NHSL1: variants seen among roughly 807,000 people sequenced by gnomAD.
NHSL1 encodes NHS-like protein 1.
A neutral mutation model predicts 95.0 loss-of-function variants in NHSL1; 48 were observed. That is an observed-to-expected ratio of 0.51 (90% CI 0.40 to 0.64). NHSL1 has a LOEUF of 0.64. Among genes scored for constraint, NHSL1 ranks in the 30% least tolerant of loss-of-function variants. The pLI is 0.00. For missense variants in NHSL1, 1,971 were observed against 2,077.7 expected, an observed-to-expected ratio of 0.95 and a Z score of 1.00; for synonymous variants, 783 against 833.9, an observed-to-expected ratio of 0.94 and a Z score of 1.05.
rs1775842570 is a variant in NHSL1 at position 138,433,321 on chromosome 6, C to T, written c.1024G>A (p.Gly342Ser). 1 of 1,551,582 alleles carries T rather than the reference C, an allele frequency of 6.4e-7. No individual in the cohort carries two copies. The highest frequency in any genetic ancestry group is 2.0e-5 in the Admixed American group (1 of 51,002). ...ATGTCTCCTGCAGGGCCGAGGGCACCCAGCCTCGGCTCAAGGGACTGAATG... is the reference window on the plus strand; with the variant it reads ...ATGTCTCCTGCAGGGCCGAGGGCACTCAGCCTCGGCTCAAGGGACTGAATG... Reference protein sequence around the residue: ...ANIQSLEPRLGALGPAGDMNG... With the variant: ...ANIQSLEPRLSALGPAGDMNG... The change falls in exon 6 of 8, where the codon GGT (glycine) becomes AGT (serine). Residue 342 changes from glycine to serine, a missense_variant. Physicochemically the swap from Gly to Ser is moderately conservative, Grantham distance 56. Around this residue, in one of 3 missense-constraint regions of NHSL1, gnomAD observed 1,602 missense variants for 1,654.5 expected, o/e 0.97. Transcript: ENST00000343505.
chr6:138,491,770 A>G (rs1780091423), intron 2 of NHSL1, among the ~76,000 whole-genome samples: 1 of 152,208 alleles, frequency 6.6e-6, no homozygotes. Flanking sequence ...AATGCTTGAG[A>G]CCAGAAATGT....
chr6:138,515,384 A>C (rs1781416516), intron 1 of NHSL1, among the ~76,000 whole-genome samples: 1 of 152,156 alleles, frequency 6.6e-6, no homozygotes, highest in Non-Finnish European at 1.5e-5. Context: ...AACACACCAA[A>C]CAATACTCTA....
At chr6:138,500,652 A>G (rs74453404), upstream of NHSL1, among the ~76,000 whole-genome samples, 3,300 of 152,330 alleles carry the variant, frequency 0.022, 127 homozygotes, top group African/African-American at 0.076. Flanking sequence ...AATTTATATA[A>G]GGGGCTCTGT....
At chr6:138,671,971 G>A (rs1305842752) in intron 1 of NHSL1, among the ~76,000 whole-genome samples, 1 of 151,898 alleles carries the variant, frequency 6.6e-6, no homozygotes, top group Non-Finnish European at 1.5e-5. Context: ...AAGGAAAAAA[G>A]GGCTAAATCC....
chr6:138,465,813 T>A (rs1357643401), intron 3 of NHSL1, among the ~76,000 whole-genome samples: 1 of 149,974 alleles, frequency 6.7e-6, no homozygotes, highest in Non-Finnish European at 1.5e-5. Context: ...AACCTCTGCC[T>A]CCTGGGTTCA....
chr6:138,519,278 CA>C (rs1277371967), intron 1 of NHSL1, among the ~76,000 whole-genome samples: 5 of 149,812 alleles, frequency 3.3e-5, no homozygotes, highest in South Asian at 4.2e-4. Context: ...AGTGAATCTT[CA>C]AAAAAAAATC....
chr6:138,685,152 T>C (rs1785569502), intron 1 of NHSL1, among the ~76,000 whole-genome samples: 1 of 152,192 alleles, frequency 6.6e-6, no homozygotes, highest in Non-Finnish European at 1.5e-5. Context: ...TTAAAATATA[T>C]ACAGCTAAAA....
intron 1 of NHSL1, among the ~76,000 whole-genome samples, chr6:138,507,889 G>A (rs1781038674): frequency 1.3e-5 from 2 of 152,044 alleles, no homozygotes; most frequent in Admixed American, 6.6e-5. Flanking sequence ...ACAGAAAGGG[G>A]AACCTTAGGA....
chr6:138,483,792 G>A (rs968635360), intron 2 of NHSL1, among the ~76,000 whole-genome samples: 17 of 152,138 alleles, frequency 1.1e-4, no homozygotes, highest in African/African-American at 3.6e-4. Context: ...TACATGATAT[G>A]GCTCAATGTG....
chr6:138,690,868 A>C (rs1785657109), intron 1 of NHSL1, among the ~76,000 whole-genome samples: 1 of 152,230 alleles, frequency 6.6e-6, no homozygotes, highest in South Asian at 2.1e-4. Context: ...CTATTGGGGC[A>C]TATGTACTAA....
In NHSL1 at chr6:138,613,380, A is replaced by G. The variant is rs183956594; in HGVS notation, c.96+79096T>C. Among the ~76,000 whole-genome samples, 17 of 152,266 alleles carry G rather than the reference A, an allele frequency of 1.1e-4. No homozygotes were observed. The South Asian group carries it at 2.1e-3, about 19-fold the overall frequency. ...ACTGCTCCAGTCAGTGATGGCCACC[A>G]CAGATGGGAAACACCATGCCTGGGT... On this transcript the variant is annotated intron_variant, in intron 1 of 3. Transcript: ENST00000491526.
chr6:138,513,430 G>A (rs1200358592), intron 1 of NHSL1, among the ~76,000 whole-genome samples: 2 of 152,008 alleles, frequency 1.3e-5, no homozygotes, highest in Non-Finnish European at 2.9e-5. Flanking sequence ...AGGCTAGAGT[G>A]CAGATCCCAG....
At chr6:138,598,985 C>G (rs576175989) in intron 1 of NHSL1, among the ~76,000 whole-genome samples, 1 of 152,154 alleles carries the variant, frequency 6.6e-6, no homozygotes, top group Non-Finnish European at 1.5e-5. Context: ...GAGCTTAGGG[C>G]CTGGAGATCC....
intron 3 of NHSL1, among the ~76,000 whole-genome samples, chr6:138,466,806 C>T (rs1407401565): frequency 3.9e-5 from 6 of 151,942 alleles, no homozygotes; most frequent in African/African-American, 7.3e-5. Context: ...ATATGAGGCC[C>T]GGCTCAGTGG....
intron 1 of NHSL1, among the ~76,000 whole-genome samples, chr6:138,529,822 A>G (rs1782061682): frequency 6.6e-6 from 1 of 152,234 alleles, no homozygotes; most frequent in Non-Finnish European, 1.5e-5. Flanking sequence ...TGGATAATCC[A>G]GGCTAATCTC....
chr6:138,499,196 C>A (rs1014064484), intron 1 of NHSL1, 37 bp downstream of exon 1: 1 of 1,320,892 alleles, frequency 7.6e-7, no homozygotes, highest in African/African-American at 1.5e-5. Context: ...GAAACATATG[C>A]ACACAATAGG....
At chr6:138,574,472 CCAAA>C (rs1050520940), upstream of NHSL1, among the ~76,000 whole-genome samples, 2 of 152,034 alleles carry the variant, frequency 1.3e-5, no homozygotes, top group African/African-American at 4.8e-5. Flanking sequence ...GCCATGGAAC[CCAAA>C]CAATGAACAC....
rs1160029550 is a variant in NHSL1, at chr6:138,516,312, C to T, written c.17-19941G>A. On this transcript the variant is annotated intron_variant, in intron 1 of 4. Coordinates refer to the NHSL1 transcript ENST00000342260. ...CAGAGATAACAGCTCCTTTGGCCAG[C>T]TGAGAGAGCTATGCCTGGGTGTTCA... 3.3e-5 allele frequency among the ~76,000 whole-genome samples: 5 copies of T among 152,168 alleles called. No homozygotes were observed. The East Asian group carries it at 9.6e-4, about 29-fold the overall frequency.
chr6:138,488,740 G>T (rs1256755323), intron 2 of NHSL1, among the ~76,000 whole-genome samples: 1 of 152,206 alleles, frequency 6.6e-6, no homozygotes, highest in Non-Finnish European at 1.5e-5. Context: ...TTGGCCATGA[G>T]ATTCCCAGGG....
Sources: gnomAD v4.1 joint callset for allele counts (sites outside exome capture counted in the v4.1 genomes callset) on GRCh38, gnomAD v4.1.1 for gene constraint, gnomAD v4.1.1 regional missense constraint, MANE v1.5 for transcripts, NCBI Gene and HGNC (gene_info 2026-07-23, HGNC 2026-07-21) for gene names.